Variants in NIBAN1 observed in about 807,000 individuals in gnomAD.
The protein encoded by NIBAN1 is protein Niban 1.
Under a neutral mutation model 75.1 loss-of-function variants are expected in NIBAN1, and 81 were observed. The observed-to-expected ratio is 1.08, with a 90% confidence interval of 0.90 to 1.30. The LOEUF (loss-of-function observed/expected upper bound fraction) is 1.30. NIBAN1 is among the 50% of genes most tolerant of loss of function. The pLI is 0.00. For synonymous variants in NIBAN1, 436 were observed against 424.8 expected, an observed-to-expected ratio of 1.03 and a Z score of -0.32; for missense variants, 1,133 against 1,128.1, an observed-to-expected ratio of 1.00 and a Z score of -0.06.
At chr1:184,844,314 TGGCATC>T (rs1341562105) in intron 5 of NIBAN1, among the ~76,000 whole-genome samples, 1 of 152,222 alleles carries the variant, frequency 6.6e-6, no homozygotes, top group African/African-American at 2.4e-5. Context: ...TGGCATTAAT[TGGCATC>T]ACTCATCATG....
At chr1:184,951,124 AT>A (rs1332577197) in intron 1 of NIBAN1, among the ~76,000 whole-genome samples, 1 of 152,182 alleles carries the variant, frequency 6.6e-6, no homozygotes, top group African/African-American at 2.4e-5. Flanking sequence ...AGAGTGAGGC[AT>A]TGGCTTCAAG....
chr1:184,795,081 C>G lies in NIBAN1; in HGVS notation c.2683G>C (p.Val895Leu), dbSNP rs1163880003. Residue 895 changes from valine to leucine, a missense_variant, in exon 14 of 14, where the codon GTG becomes CTG. By Grantham distance (32) the Val-to-Leu change is conservative. Transcript: ENST00000367511. ...ACATCCGGGTTTGGAGCATCCTCCACCACCCACTGACACTCATGAATACGG... is the reference window on the plus strand; with the variant it reads ...ACATCCGGGTTTGGAGCATCCTCCAGCACCCACTGACACTCATGAATACGG... The part of the protein sequence containing the change: ...VARIHECQWV[V>L]EDAPNPDVLL... The G allele has an allele frequency of 1.2e-6, 2 of 1,614,010 alleles. No individual in the cohort carries two copies. Among genetic ancestry groups the G allele is most frequent in the Admixed American group, 3.3e-5 (2 of 60,010 alleles).
At position 184,795,791 on chromosome 1, in the gene NIBAN1, G is replaced by A. The variant is rs752588250; in HGVS notation, c.1973C>T (p.Ser658Leu). 6.2e-7 allele frequency: 1 copy of A among 1,611,078 alleles called. No homozygotes were observed. The highest frequency in any genetic ancestry group is 8.5e-7 in the Non-Finnish European group (1 of 1,178,322). Residue 658 changes from serine to leucine, a missense_variant, in exon 14 of 14, where the codon TCA (serine) becomes TTA (leucine). Transcript: ENST00000367511. ...ATTCACCACGGGGTCATCCACTCTT[G>A]AAATAATCACCTGCTCAGTCCCATC... is the stretch of plus-strand genomic sequence containing the variant. ...PPDGTEQVII[S>L]RVDDPVVNPV...
intron 2 of NIBAN1, among the ~76,000 whole-genome samples, chr1:184,896,901 T>C (rs1488080247): frequency 6.6e-6 from 1 of 152,208 alleles, no homozygotes; most frequent in Non-Finnish European, 1.5e-5. Context: ...CATTGGTCTA[T>C]GTGTCTATTT....
In NIBAN1 at chr1:184,793,999, A is replaced by C. The variant is rs1653764126; in HGVS notation, c.*978T>G. 6.6e-6 allele frequency: 1 copy of C among 152,144 alleles called. No homozygotes were observed. Among genetic ancestry groups the C allele is most frequent in the African/African-American group, 2.4e-5 (1 of 41,434 alleles). The allele number at this position is 152,144 out of a possible 1,614,324, so 9.4% of individuals were successfully genotyped here. ...GAATGAACCAGGACTATTTGAATGG[A>C]AAGAGAAAAAAAAAAGCTGTCATAG... On this transcript the variant is annotated 3_prime_UTR_variant, in exon 14 of 14. Transcript: ENST00000367511.
intron 1 of NIBAN1, among the ~76,000 whole-genome samples, chr1:184,962,405 C>T (rs1658672783): frequency 6.6e-6 from 1 of 152,026 alleles, no homozygotes; most frequent in African/African-American, 2.4e-5. Flanking sequence ...CCATGATTCT[C>T]AGTGTGGAAA....
intron 5 of NIBAN1, among the ~76,000 whole-genome samples, chr1:184,870,575 T>C (rs6683230): frequency 0.096 from 14,578 of 152,132 alleles, 2,339 homozygotes; most frequent in African/African-American, 0.33. Flanking sequence ...TTTTGAGTCA[T>C]TTCCCGCAAG....
At chr1:184,923,799 T>G (rs1657617256) in intron 1 of NIBAN1, among the ~76,000 whole-genome samples, 1 of 152,126 alleles carries the variant, frequency 6.6e-6, no homozygotes, top group Non-Finnish European at 1.5e-5. Context: ...TTTTGGTTAA[T>G]TTCTAGGTAT....
At chr1:184,883,139 A>G (rs1263007135) in intron 5 of NIBAN1, among the ~76,000 whole-genome samples, 1 of 152,186 alleles carries the variant, frequency 6.6e-6, no homozygotes, top group Non-Finnish European at 1.5e-5. Flanking sequence ...TTTTAAAATA[A>G]GTATACAGTG....
intron 1 of NIBAN1, among the ~76,000 whole-genome samples, chr1:184,929,673 C>T (rs1657773047): frequency 6.6e-6 from 1 of 152,048 alleles, no homozygotes; most frequent in East Asian, 1.9e-4. Context: ...TTTTTTCCTC[C>T]ACCACATGAG....
intron 6 of NIBAN1, among the ~76,000 whole-genome samples, chr1:184,825,222 T>C (rs1446116110): frequency 1.3e-5 from 2 of 152,246 alleles, no homozygotes; most frequent in South Asian, 2.1e-4. Context: ...AACAACATGC[T>C]ACATGTGAAA....
intron 1 of NIBAN1, among the ~76,000 whole-genome samples, chr1:184,907,365 T>C (rs1205500865): frequency 6.6e-6 from 1 of 152,206 alleles, no homozygotes; most frequent in Admixed American, 6.5e-5. Context: ...AGAAGATTAA[T>C]CAGGCCATTG....
chr1:184,947,268 T>C (rs1459457103), intron 1 of NIBAN1, among the ~76,000 whole-genome samples: 1 of 152,034 alleles, frequency 6.6e-6, no homozygotes, highest in East Asian at 1.9e-4. Context: ...GGTGCTGTAG[T>C]AAAAAGGGGT....
intron 1 of NIBAN1, among the ~76,000 whole-genome samples, chr1:184,934,463 C>T (rs1657903830): frequency 6.6e-6 from 1 of 152,128 alleles, no homozygotes; most frequent in South Asian, 2.1e-4. Flanking sequence ...CCCTTGAATC[C>T]AAAATAAGAG....
chr1:184,857,874 T>A (rs953462357), intron 5 of NIBAN1, among the ~76,000 whole-genome samples: 2 of 151,986 alleles, frequency 1.3e-5, no homozygotes, highest in Non-Finnish European at 2.9e-5. Context: ...GTTAGACCAC[T>A]CATATACATC....
chr1:184,937,145 CTTTT>C (rs138240427), intron 1 of NIBAN1, among the ~76,000 whole-genome samples: 2 of 92,128 alleles, frequency 2.2e-5, no homozygotes, highest in African/African-American at 4.3e-5. Context: ...TAGCTGGATT[CTTTT>C]TTTTTTTTTT....
chr1:184,832,273 T>C (rs934967778), intron 5 of NIBAN1, among the ~76,000 whole-genome samples: 1 of 152,188 alleles, frequency 6.6e-6, no homozygotes, highest in Non-Finnish European at 1.5e-5. Context: ...ACCCAGCGCC[T>C]TTACGCTACC....
At chr1:184,824,866 A>G (rs923791445) in intron 6 of NIBAN1, among the ~76,000 whole-genome samples, 2 of 152,204 alleles carry the variant, frequency 1.3e-5, no homozygotes, top group East Asian at 1.9e-4. Flanking sequence ...CAGTTTTGAG[A>G]AACTTCCTCT....
At chr1:184,947,926 T>C (rs1293873506) in intron 1 of NIBAN1, among the ~76,000 whole-genome samples, 1 of 152,194 alleles carries the variant, frequency 6.6e-6, no homozygotes, top group East Asian at 1.9e-4. Flanking sequence ...TAATGACCTT[T>C]AAATTCCCTT....
Sources: allele counts gnomAD v4.1 joint callset (sites outside exome capture counted in the v4.1 genomes callset), GRCh38; gene constraint gnomAD v4.1.1; transcripts MANE v1.5; gene names NCBI Gene and HGNC (gene_info 2026-07-23, HGNC 2026-07-21).